TGIF1: variants seen among roughly 807,000 people sequenced by gnomAD.
The protein encoded by TGIF1 is TGFB induced factor homeobox 1.
In TGIF1, 4 loss-of-function variants were observed where a neutral mutation model predicts 19.3. The ratio of observed to expected loss-of-function variants is 0.21; its 90% confidence interval spans 0.10 to 0.47. TGIF1 has a LOEUF of 0.47. Ranked by LOEUF, TGIF1 falls within the 20% of genes least tolerant of loss-of-function variation. TGIF1 has a pLI of 0.98. For missense variants in TGIF1, 275 were observed against 341.4 expected (o/e 0.81, Z 1.53); for synonymous variants, 122 against 129.3 (o/e 0.94, Z 0.38).
upstream of TGIF1, chr18:3,450,124 C>G: frequency 9.7e-7 from 1 of 1,029,830 alleles, no homozygotes. Flanking sequence ...GGGCGGGCGG[C>G]TGGGGGCGGA....
At chr18:3,453,948 T>A in intron 1 of TGIF1, 1 of 589,690 alleles carries the variant, frequency 1.7e-6, no homozygotes, top group Non-Finnish European at 2.1e-6. Context: ...AGGAAAAAAG[T>A]CTTTGTTTTT....
chr18:3,412,401 G>A (rs2082282846), intron 1 of TGIF1: 1 of 152,134 alleles, frequency 6.6e-6, no homozygotes, highest in South Asian at 2.1e-4. Flanking sequence ...AACTTCAAAT[G>A]GACCACATGT....
chr18:3,415,308 C>A lies in TGIF1; in HGVS notation c.-117-2835C>A, dbSNP rs529524695. 5.6e-4 allele frequency: 169 copies of A among 300,868 alleles called. 3 individuals are homozygous for A. Among genetic ancestry groups the A allele is most frequent in the South Asian group, 4.9e-3 (164 of 33,586 alleles). 18.6% of individuals were successfully genotyped at this position (300,868 alleles called of 1,614,324 possible). On this transcript the variant is annotated intron_variant, in intron 1 of 3. Transcript: ENST00000401449. The stretch of plus-strand genomic sequence containing the variant: ...GGCAGAAAGCTGAGGGTTCGGTGTC[C>A]ACACACCTGGATGAGCAGAACTGGA...
intron 1 of TGIF1, chr18:3,415,656 G>T: frequency 5.2e-6 from 1 of 191,628 alleles, no homozygotes; most frequent in South Asian, 1.0e-4. Context: ...ACATAAGAGT[G>T]CAACTTCAGA....
intron 2 of TGIF1, among the ~76,000 whole-genome samples, chr18:3,425,905 T>C (rs895913686): frequency 2.6e-5 from 4 of 151,984 alleles, no homozygotes; most frequent in Non-Finnish European, 5.9e-5. Context: ...TGCTGGAGAA[T>C]CTCTTGCGGA....
Position 3,456,986 on chromosome 18 carries a change from G to A in TGIF1, c.244-379G>A. 2 of 563,282 alleles carry A rather than the reference G, an allele frequency of 3.6e-6. No individual in the cohort carries two copies. 34.9% of individuals were successfully genotyped at this position (563,282 alleles called of 1,614,324 possible). On this transcript the variant is annotated intron_variant, in intron 2 of 2. Transcript: ENST00000343820. This position sits in a 1 kb window ranked among gnomAD's most constrained non-coding sequence, Gnocchi z 4.2. Reference sequence around the variant, plus strand: ...GGAGTGGCCCTTTTCATAAGGAGAGGTTTTCCTGTAGTTGATTAACTTAAA... The same window carrying A: ...GGAGTGGCCCTTTTCATAAGGAGAGATTTTCCTGTAGTTGATTAACTTAAA...
At chr18:3,436,605 G>A (rs1283972344) in intron 2 of TGIF1, among the ~76,000 whole-genome samples, 2 of 151,910 alleles carry the variant, frequency 1.3e-5, no homozygotes, top group East Asian at 3.9e-4. Flanking sequence ...GATCACCTGA[G>A]GTCAGGAGTT....
intron 1 of TGIF1, among the ~76,000 whole-genome samples, chr18:3,413,640 C>T (rs766487749): frequency 5.3e-5 from 8 of 151,844 alleles, no homozygotes; most frequent in Non-Finnish European, 1.0e-4. Flanking sequence ...GATGCCAAGG[C>T]GGGAGGATCA....
intron 2 of TGIF1, among the ~76,000 whole-genome samples, chr18:3,442,560 CA>C (rs201690094): frequency 0.013 from 2,023 of 151,518 alleles, 77 homozygotes; most frequent in Admixed American, 0.084. Flanking sequence ...AAAGAATATA[CA>C]AAAAAAATCA....
rs1185097343 is a variant in TGIF1, at chr18:3,458,591, CTT to C, written c.*652_*653del. The C allele has an allele frequency of 6.5e-6, 1 of 154,006 alleles. No homozygotes were observed. The highest frequency in any genetic ancestry group is 1.9e-4 in the East Asian group (1 of 5,210). The allele number at this position is 154,006 out of a possible 1,614,324, so 9.5% of individuals were successfully genotyped here. On this transcript the variant is annotated 3_prime_UTR_variant, in exon 3 of 3. Transcript: ENST00000343820. ...ATAAACAGGATGTGTGATATTTACT[CTT>C]GATAGGAGGCATAGCAGGCCCTTAG...
Position 3,450,217 on chromosome 18 carries a change from G to A in TGIF1, c.-273G>A. ...CGCCGAGCAGGAGCAGGGAACAAAG[G>A]AGCGGAGAGGGGAGGGGAGAGAGTT... On this transcript the variant is annotated 5_prime_UTR_variant, in exon 1 of 3. Transcript: ENST00000343820. 1 of 1,404,544 alleles carries A rather than the reference G, an allele frequency of 7.1e-7. No individual in the cohort carries two copies. The highest frequency in any genetic ancestry group is 9.2e-7 in the Non-Finnish European group (1 of 1,081,990). 87.0% of individuals were successfully genotyped at this position (1,404,544 alleles called of 1,614,324 possible).
chr18:3,449,914 G>A (rs999779684), upstream of TGIF1: 11 of 985,932 alleles, frequency 1.1e-5, no homozygotes, highest in Non-Finnish European at 1.2e-5. Context: ...CGCTCGGCTG[G>A]TGCCCCCACC....
chr18:3,456,574 G>A lies in TGIF1; in HGVS notation c.237G>A (p.Thr79=), dbSNP rs148340331. The change falls in exon 2 of 3, where the codon ACG becomes ACA. Residue 79 remains threonine (T), a synonymous_variant. Coordinates refer to ENST00000343820, the MANE Select transcript of TGIF1 (RefSeq NM_003244.4). This position sits in a 1 kb window ranked among gnomAD's most constrained non-coding sequence, Gnocchi z 4.2. ...TGTCCCAGCAAACACACCTGTCTAC[G>A]CTACAGGTAAAGAAAGAGAGCGTGA... The part of the protein sequence containing the change: ...ALLSQQTHLS[T]LQVCNWFINA... The A allele has an allele frequency of 7.4e-6, 12 of 1,613,408 alleles. No individual in the cohort carries two copies. The highest frequency in any genetic ancestry group is 2.2e-5 in the East Asian group (1 of 44,904).
upstream of TGIF1, chr18:3,450,138 A>G: frequency 8.9e-7 from 1 of 1,118,322 alleles, no homozygotes; most frequent in Non-Finnish European, 1.1e-6. Flanking sequence ...GGGCGGAGGC[A>G]GGACCTCCTG....
intron 2 of TGIF1, among the ~76,000 whole-genome samples, chr18:3,423,382 C>CA (rs1256149822): frequency 9.2e-5 from 14 of 151,544 alleles, no homozygotes; most frequent in South Asian, 2.1e-4. Flanking sequence ...CCCGTCTCTA[C>CA]AAAAAAAAGT....
At chr18:3,452,503 G>A in intron 1 of TGIF1, 2 of 1,442,684 alleles carry the variant, frequency 1.4e-6, no homozygotes, top group Admixed American at 2.0e-5. Flanking sequence ...TCTGGGGTGG[G>A]CAGGCCTCTG....
In TGIF1 at chr18:3,458,103, A is replaced by G. The variant is rs2049422909; in HGVS notation, c.*163A>G. On this transcript the variant is annotated 3_prime_UTR_variant, in exon 3 of 3. Transcript: ENST00000343820. Reference sequence around the variant, plus strand: ...TCTTCAATGGAATACAGTCATTCCAAGAACTATAAACTTAAAGCTACTGTA... The same window carrying G: ...TCTTCAATGGAATACAGTCATTCCAGGAACTATAAACTTAAAGCTACTGTA... The G allele has an allele frequency of 3.1e-6, 2 of 650,706 alleles. No homozygotes were observed. Among genetic ancestry groups the G allele is most frequent in the Admixed American group, 2.8e-5 (1 of 35,320 alleles). The allele number at this position is 650,706 out of a possible 1,614,324, so 40.3% of individuals were successfully genotyped here.
At position 3,451,353 on chromosome 18, in the gene TGIF1, G is replaced by T. The variant is rs1459899696; in HGVS notation, c.16+848G>T. 2 of 984,428 alleles carry T rather than the reference G, an allele frequency of 2.0e-6. No homozygotes were observed. The highest frequency in any genetic ancestry group is 1.2e-6 in the Non-Finnish European group (1 of 829,526). 61.0% of individuals were successfully genotyped at this position (984,428 alleles called of 1,614,324 possible). A position where few individuals can be genotyped will look rare whatever the true frequency, so the allele number is the denominator to read the frequency against. ...AAAACAAAATACACCGGAGGGGGAC[G>T]GGGGGTGGAGAAACCACACAAAACA... is the stretch of plus-strand genomic sequence containing the variant. On this transcript the variant is annotated intron_variant, in intron 1 of 2. Transcript: ENST00000343820. The surrounding 1 kb of genome is among the most constrained non-coding windows in gnomAD (Gnocchi z 5.4).
Position 3,451,418 on chromosome 18 carries a change from C to T in TGIF1, c.16+913C>T. On this transcript the variant is annotated intron_variant, in intron 1 of 2. Coordinates refer to ENST00000343820, the MANE Select transcript of TGIF1 (RefSeq NM_003244.4). The surrounding 1 kb of genome is among the most constrained non-coding windows in gnomAD (Gnocchi z 5.4). ...AGTGTGAAGTCCCTTTTGAAGTTAA[C>T]AAAAATTGAGTCCCTGGCTGGGAGG... 1.0e-6 allele frequency: 1 copy of T among 985,420 alleles called. No homozygotes were observed. The highest frequency in any genetic ancestry group is 1.2e-6 in the Non-Finnish European group (1 of 829,930). 61.0% of individuals were successfully genotyped at this position (985,420 alleles called of 1,614,324 possible). A position where few individuals can be genotyped will look rare whatever the true frequency, so the allele number is the denominator to read the frequency against.
Sources: allele counts gnomAD v4.1 joint callset (sites outside exome capture counted in the v4.1 genomes callset), GRCh38; gene constraint gnomAD v4.1.1; non-coding constraint Gnocchi (gnomAD v3.1); transcripts MANE v1.5; gene names NCBI Gene and HGNC (gene_info 2026-07-23, HGNC 2026-07-21).